Variants in LRFN2 observed in about 807,000 individuals in gnomAD.
The protein encoded by LRFN2 is leucine rich repeat and fibronectin type III domain containing 2.
LRFN2 carries 18 observed loss-of-function variants against 37.3 expected under a neutral mutation model. That is an observed-to-expected ratio of 0.48 (90% CI 0.33 to 0.72). The LOEUF is 0.72. Among genes scored for constraint, LRFN2 ranks in the 30% least tolerant of loss-of-function variants. The pLI, the probability that LRFN2 is intolerant of heterozygous loss-of-function variation, is 0.02. For missense variants in LRFN2, 1,006 were observed against 1,060.7 expected, an observed-to-expected ratio of 0.95 and a Z score of 0.72; for synonymous variants, 556 against 466.6, an observed-to-expected ratio of 1.19 and a Z score of -2.47.
intron 2 of LRFN2, among the ~76,000 whole-genome samples, chr6:40,413,765 G>A (rs1411270091): frequency 2.6e-5 from 4 of 152,122 alleles, no homozygotes; most frequent in East Asian, 3.9e-4. Context: ...CAGCACTGAC[G>A]GAAGTTCTCC....
At chr6:40,451,301 G>T (rs1044420021) in intron 1 of LRFN2, among the ~76,000 whole-genome samples, 5 of 152,156 alleles carry the variant, frequency 3.3e-5, no homozygotes, top group African/African-American at 1.2e-4. Flanking sequence ...GCAAGAAGTG[G>T]GGCCTCACTG....
intron 2 of LRFN2, among the ~76,000 whole-genome samples, chr6:40,393,586 A>G (rs548664749): frequency 2.6e-5 from 4 of 152,172 alleles, no homozygotes; most frequent in South Asian, 2.1e-4. Context: ...AGCAGAAATT[A>G]TACAAAGGGA....
intron 1 of LRFN2, among the ~76,000 whole-genome samples, chr6:40,437,891 A>C (rs1763728890): frequency 6.6e-6 from 1 of 152,220 alleles, no homozygotes; most frequent in Admixed American, 6.5e-5. Context: ...GGCTCACAAC[A>C]GAATATTCAG....
intron 1 of LRFN2, among the ~76,000 whole-genome samples, chr6:40,512,771 T>C (rs1765749682): frequency 6.6e-6 from 1 of 152,180 alleles, no homozygotes; most frequent in Non-Finnish European, 1.5e-5. Context: ...GAGACACACG[T>C]CCTTTATGCT....
chr6:40,544,922 TA>T (rs1446172446), intron 1 of LRFN2, among the ~76,000 whole-genome samples: 4 of 152,184 alleles, frequency 2.6e-5, no homozygotes, highest in Non-Finnish European at 5.9e-5. Context: ...ATGATTAGGA[TA>T]ATGGCAACTG....
intron 1 of LRFN2, among the ~76,000 whole-genome samples, chr6:40,439,862 G>A (rs1174508151): frequency 6.6e-6 from 1 of 152,168 alleles, no homozygotes; most frequent in African/African-American, 2.4e-5. Flanking sequence ...TGACTTCAGG[G>A]ACCTCTTAGT....
chr6:40,421,710 A>C (rs1299485709), intron 2 of LRFN2, among the ~76,000 whole-genome samples: 1 of 152,160 alleles, frequency 6.6e-6, no homozygotes, highest in Non-Finnish European at 1.5e-5. Context: ...CCTCATTCCT[A>C]TCATGGCCAA....
At chr6:40,405,425 C>G (rs1338895587) in intron 2 of LRFN2, among the ~76,000 whole-genome samples, 1 of 152,204 alleles carries the variant, frequency 6.6e-6, no homozygotes, top group Non-Finnish European at 1.5e-5. Flanking sequence ...CGTTCATAAT[C>G]TCTGCCTTAT....
chr6:40,457,566 G>A (rs550594731), intron 1 of LRFN2, among the ~76,000 whole-genome samples: 1 of 149,566 alleles, frequency 6.7e-6, no homozygotes, highest in African/African-American at 2.5e-5. Flanking sequence ...TTGAGCCTAG[G>A]AGGTTAAGGC....
intron 2 of LRFN2, among the ~76,000 whole-genome samples, chr6:40,412,509 C>T (rs180809338): frequency 6.6e-6 from 1 of 152,290 alleles, no homozygotes; most frequent in Admixed American, 6.5e-5. Flanking sequence ...CATGCAGGAC[C>T]TGGAGCTCTG....
intron 1 of LRFN2, among the ~76,000 whole-genome samples, chr6:40,470,069 T>A (rs1470702308): frequency 6.6e-6 from 1 of 152,204 alleles, no homozygotes; most frequent in Admixed American, 6.5e-5. Context: ...CATTGGGTGA[T>A]CATGGGCCCC....
chr6:40,479,788 G>C (rs570405297), intron 1 of LRFN2, among the ~76,000 whole-genome samples: 1 of 152,302 alleles, frequency 6.6e-6, no homozygotes, highest in South Asian at 2.1e-4. Context: ...CTCCATTTGG[G>C]GGTTTGAAGA....
At chr6:40,416,503 C>A (rs769811130) in intron 2 of LRFN2, among the ~76,000 whole-genome samples, 3 of 152,336 alleles carry the variant, frequency 2.0e-5, no homozygotes, top group Middle Eastern at 6.8e-3. Flanking sequence ...CTTGAACTGA[C>A]CTTTTCTTAC....
chr6:40,577,499 C>T (rs9471380), intron 1 of LRFN2, among the ~76,000 whole-genome samples: 76,140 of 149,492 alleles, frequency 0.51, 19,813 homozygotes, highest in Middle Eastern at 0.6. Context: ...TAGTTACATA[C>T]GTATACATGT....
intron 1 of LRFN2, among the ~76,000 whole-genome samples, chr6:40,497,063 C>T (rs1482980769): frequency 6.6e-6 from 1 of 152,198 alleles, no homozygotes; most frequent in East Asian, 1.9e-4. Flanking sequence ...AGTCCCTCAC[C>T]TGGCTCTGCC....
chr6:40,481,849 C>A (rs1262058193), intron 1 of LRFN2, among the ~76,000 whole-genome samples: 1 of 152,214 alleles, frequency 6.6e-6, no homozygotes, highest in African/African-American at 2.4e-5. Context: ...GCCTCAGTTT[C>A]ACAGCCCTAA....
At chr6:40,394,350 C>G (rs1436270371) in intron 2 of LRFN2, among the ~76,000 whole-genome samples, 3 of 152,166 alleles carry the variant, frequency 2.0e-5, no homozygotes, top group Non-Finnish European at 4.4e-5. Flanking sequence ...GTGTAGCTTT[C>G]TTGGTAGTTC....
At chr6:40,518,401 T>A (rs1765948136) in intron 1 of LRFN2, among the ~76,000 whole-genome samples, 2 of 152,184 alleles carry the variant, frequency 1.3e-5, no homozygotes, top group South Asian at 4.1e-4. Context: ...GAGGATTAAG[T>A]AAGTTGCCAA....
At position 40,392,639 on chromosome 6, in the gene LRFN2, CT is replaced by C; in HGVS notation, c.1673del (p.Lys558ArgfsTer15). ...TGCTGGGGGCCTCGTGGTTGCAGAC[CT>C]TGTAGCGCACCATGAGGATGACGAT... ...VFIVILMVRY[K>X]VCNHEAPSKM... On this transcript the variant is annotated frameshift_variant, in exon 3 of 3. Transcript: ENST00000338305. LOFTEE classifies it high-confidence loss of function. The surrounding 1 kb of genome is among the most constrained non-coding windows in gnomAD (Gnocchi z 4.7). The C allele has an allele frequency of 1.2e-6, 2 of 1,612,450 alleles. No homozygotes were observed. Among genetic ancestry groups the C allele is most frequent in the Non-Finnish European group, 1.7e-6 (2 of 1,180,020 alleles).
Sources: gnomAD v4.1 joint callset for allele counts (sites outside exome capture counted in the v4.1 genomes callset) on GRCh38, gnomAD v4.1.1 for gene constraint, Gnocchi (gnomAD v3.1) non-coding constraint, MANE v1.5 for transcripts, NCBI Gene and HGNC (gene_info 2026-07-23, HGNC 2026-07-21) for gene names.